The following COL28A1 variants were observed in gnomAD, a reference collection of about 807,000 sequenced individuals.
COL28A1 encodes collagen type XXVIII alpha 1 chain.
COL28A1 carries 161 observed loss-of-function variants against 150.2 expected under a neutral mutation model. The ratio of observed to expected loss-of-function variants is 1.07; its 90% CI spans 0.94 to 1.22. The LOEUF (loss-of-function observed/expected upper bound fraction) is 1.22, where lower values mean the gene tolerates loss of function less well. Among genes scored for constraint, COL28A1 ranks in the 50% most tolerant of loss-of-function variants. The probability of loss-of-function intolerance (pLI) is 0.00; values close to 1 mark genes in which losing one functional copy is unlikely to be tolerated. For missense variants in COL28A1, 1,617 were observed against 1,388.3 expected (o/e 1.16, Z -2.62); for synonymous variants, 552 against 469.7 (o/e 1.18, Z -2.26).
chr7:7,425,821 G>A (rs1183133087), intron 25 of COL28A1, among the ~76,000 whole-genome samples: 2 of 152,166 alleles, frequency 1.3e-5, no homozygotes, highest in Non-Finnish European at 2.9e-5. Flanking sequence ...GACTTGCTGA[G>A]GTCACACAGC....
intron 3 of COL28A1, among the ~76,000 whole-genome samples, chr7:7,530,392 G>A (rs1428798581): frequency 1.3e-5 from 2 of 152,156 alleles, no homozygotes. Context: ...AAGATCGAGG[G>A]ATAAGACAAA....
At chr7:7,364,336 A>G (rs1264152125) in intron 33 of COL28A1, among the ~76,000 whole-genome samples, 1 of 152,252 alleles carries the variant, frequency 6.6e-6, no homozygotes, top group Admixed American at 6.5e-5. Flanking sequence ...TTCGTAAAGG[A>G]ATCCCTCCTC....
At chr7:7,412,305 G>C (rs911806517) in intron 27 of COL28A1, among the ~76,000 whole-genome samples, 1 of 152,044 alleles carries the variant, frequency 6.6e-6, no homozygotes, top group Non-Finnish European at 1.5e-5. Context: ...ATTCTGTGTG[G>C]AAGAAAATCA....
At chr7:7,390,726 G>A (rs566555586) in intron 27 of COL28A1, among the ~76,000 whole-genome samples, 1 of 152,270 alleles carries the variant, frequency 6.6e-6, no homozygotes, top group South Asian at 2.1e-4. Flanking sequence ...TTGGAAGTGT[G>A]TATGTGTCCA....
chr7:7,528,457 G>C (rs1183756588), intron 3 of COL28A1, among the ~76,000 whole-genome samples: 2 of 152,078 alleles, frequency 1.3e-5, no homozygotes, highest in African/African-American at 4.8e-5. Context: ...TCCTACTAGA[G>C]GCATCAAGGA....
intron 11 of COL28A1, among the ~76,000 whole-genome samples, chr7:7,496,638 C>A (rs1337209728): frequency 6.6e-6 from 1 of 152,152 alleles, no homozygotes; most frequent in Admixed American, 6.5e-5. Flanking sequence ...ATCCCTGGCA[C>A]TGATTCTAAC....
chr7:7,431,139 C>T (rs1000671551), intron 25 of COL28A1: 2 of 152,736 alleles, frequency 1.3e-5, no homozygotes, highest in Non-Finnish European at 2.9e-5. Context: ...GCATTAAGCA[C>T]GTACAACATC....
intron 8 of COL28A1, among the ~76,000 whole-genome samples, chr7:7,511,390 G>T (rs1033284868): frequency 1.3e-5 from 2 of 152,092 alleles, no homozygotes; most frequent in African/African-American, 4.8e-5. Flanking sequence ...TTTAAGAAAT[G>T]GATGAAACTA....
the COL28A1 span, among the ~76,000 whole-genome samples, chr7:7,542,080 T>G: frequency 6.6e-6 from 1 of 152,330 alleles, no homozygotes; most frequent in South Asian, 2.1e-4. Context: ...CTGGGTGCGG[T>G]GGCTCACGCC....
the COL28A1 span, among the ~76,000 whole-genome samples, chr7:7,339,383 G>A: frequency 6.6e-6 from 1 of 152,088 alleles, no homozygotes; most frequent in Non-Finnish European, 1.5e-5. Context: ...CTGTCCTGTT[G>A]TTCAATTAAG....
intron 12 of COL28A1, 100 bp downstream of exon 12, chr7:7,490,478 G>A: frequency 1.7e-6 from 1 of 576,798 alleles, no homozygotes; most frequent in South Asian, 3.0e-5. Flanking sequence ...GCCTCCTTGT[G>A]TCTATTGGAT....
chr7:7,511,563 T>G (rs1355501507), intron 8 of COL28A1: 3 of 312,600 alleles, frequency 9.6e-6, no homozygotes, highest in Non-Finnish European at 1.9e-5. Flanking sequence ...AAATAGCTAG[T>G]AAGTAAAAGA....
intron 25 of COL28A1, among the ~76,000 whole-genome samples, chr7:7,427,531 T>C (rs1035158170): frequency 6.6e-6 from 1 of 152,182 alleles, no homozygotes; most frequent in Non-Finnish European, 1.5e-5. Context: ...TGTGAATCGG[T>C]CCTCTGTTCC....
At chr7:7,452,788 C>T (rs1038895396) in intron 17 of COL28A1, among the ~76,000 whole-genome samples, 3 of 152,136 alleles carry the variant, frequency 2.0e-5, no homozygotes, top group Admixed American at 6.5e-5. Context: ...TCAAGGCAGG[C>T]CCCAAATCAA....
At chr7:7,343,433 A>T in the COL28A1 span, among the ~76,000 whole-genome samples, 10 of 152,070 alleles carry the variant, frequency 6.6e-5, 1 homozygote, top group East Asian at 9.7e-4. Flanking sequence ...CGTGCTAGAC[A>T]AGGTCTTCTG....
At chr7:7,428,512 G>A (rs1325983407) in intron 25 of COL28A1, among the ~76,000 whole-genome samples, 1 of 152,242 alleles carries the variant, frequency 6.6e-6, no homozygotes, top group Non-Finnish European at 1.5e-5. Context: ...CTTTGGGGGT[G>A]AAAACACAGG....
intron 13 of COL28A1, among the ~76,000 whole-genome samples, chr7:7,484,084 G>A (rs1199841584): frequency 1.3e-5 from 2 of 152,016 alleles, no homozygotes; most frequent in Admixed American, 6.6e-5. Flanking sequence ...TTAAACTATG[G>A]AGTCCTCAGA....
chr7:7,477,128 C>T lies in COL28A1; in HGVS notation c.1217G>A (p.Gly406Glu). Reference protein sequence around the residue: ...VPGERGLPGEGFPGPKGEKGS... With the variant: ...VPGERGLPGEEFPGPKGEKGS... ...TATTGTTACCTTTGGTCCTGGAAAT[C>T]CTTCTCCGGGTAAGCCCCTCTCTCC... Residue 406 changes from glycine to glutamate, a missense_variant, in exon 14 of 35, where the codon GGA becomes GAA. By Grantham distance (98) the Gly-to-Glu change is moderately conservative (BLOSUM62 -2). Transcript: ENST00000399429. 2 of 1,302,172 alleles carry T rather than the reference C, an allele frequency of 1.5e-6. No individual in the cohort carries two copies. Among genetic ancestry groups the T allele is most frequent in the Admixed American group, 3.4e-5 (2 of 59,624 alleles). The allele number at this position is 1,302,172 out of a possible 1,614,324, so 80.7% of individuals were successfully genotyped here.
In COL28A1 at chr7:7,458,456, C is replaced by A. The variant is rs186579093; in HGVS notation, c.1303-2344G>T. 4.6e-3 allele frequency among the ~76,000 whole-genome samples: 693 copies of A among 151,238 alleles called. 5 individuals carry two copies. The highest frequency in any genetic ancestry group is 0.022 in the East Asian group (112 of 5,142). Reference sequence around the variant, plus strand: ...ACAAAAAACAAACAAACAAAAAAAACAAACAAAAAGAAAAGAAAAATGTAT... The same window carrying A: ...ACAAAAAACAAACAAACAAAAAAAAAAAACAAAAAGAAAAGAAAAATGTAT... On this transcript the variant is annotated intron_variant, in intron 15 of 34. Coordinates refer to ENST00000399429, the MANE Select transcript of COL28A1 (RefSeq NM_001037763.3).
Sources: allele counts gnomAD v4.1 joint callset (sites outside exome capture counted in the v4.1 genomes callset), GRCh38; gene constraint gnomAD v4.1.1; transcripts MANE v1.5; gene names NCBI Gene and HGNC (gene_info 2026-07-23, HGNC 2026-07-21).